Variants in SYTL2 observed in about 807,000 individuals in gnomAD.
SYTL2 encodes the protein synaptotagmin-like protein 2.
SYTL2 carries 165 observed loss-of-function variants against 198.7 expected under a neutral mutation model. That is an observed-to-expected ratio of 0.83 (90% CI 0.73 to 0.94). The LOEUF (loss-of-function observed/expected upper bound fraction) is 0.94, where lower values mean the gene tolerates loss of function less well. Ranked by LOEUF, SYTL2 falls within the 40% of genes least tolerant of loss-of-function variation. The probability of loss-of-function intolerance (pLI) is 0.00; values close to 1 mark genes in which losing one functional copy is unlikely to be tolerated. For missense variants in SYTL2, 2,835 were observed against 2,582.8 expected (o/e 1.10, Z -2.12); for synonymous variants, 966 against 917.7 (o/e 1.05, Z -0.95).
At chr11:85,714,649 C>T in intron 11 of SYTL2, 142 bp from the exon 12 acceptor site, 1 of 1,403,950 alleles carries the variant, frequency 7.1e-7, no homozygotes, top group Non-Finnish European at 9.3e-7. Context: ...TCCACATGCA[C>T]AGGATCATGA....
rs147682106 is a variant in SYTL2, at chr11:85,725,357, G to A, written c.4001C>T (p.Pro1334Leu). ...VASPPQDMLF[P>L]QDAHLVPQAR... ...CTGGGGAACAAGATGAGCATCCTGG[G>A]GAAAAAGCATATCTTGGGGAGGGCT... The change falls in exon 8 of 20, where the codon CCC becomes CTC. Residue 1334 changes from proline to leucine, a missense_variant. Transcript: ENST00000359152. The A allele has an allele frequency of 9.8e-4, 1,589 of 1,613,822 alleles. 4 individuals carry two copies. Among genetic ancestry groups the A allele is most frequent in the Admixed American group, 1.7e-3 (103 of 59,996 alleles).
At chr11:85,838,442 A>G in the SYTL2 span, among the ~76,000 whole-genome samples, 1 of 152,186 alleles carries the variant, frequency 6.6e-6, no homozygotes, top group Non-Finnish European at 1.5e-5. Flanking sequence ...TGGGTAATTT[A>G]TAAAGAAAAG....
chr11:85,734,648 AT>A lies in SYTL2; in HGVS notation c.680del (p.Asn227MetfsTer15). The A allele has an allele frequency of 1.2e-6, 2 of 1,614,176 alleles. No homozygotes were observed. The highest frequency in any genetic ancestry group is 1.7e-6 in the Non-Finnish European group (2 of 1,180,012). On this transcript the variant is annotated frameshift_variant, in exon 7 of 20. Coordinates refer to ENST00000359152, the MANE Select transcript of SYTL2 (RefSeq NM_206927.4). LOFTEE classifies it high-confidence loss of function. ...GGATTGGAGCCTTGATTTGGGACCC[AT>A]TTGAAAGGCCTGGCAAAGTCTGCTT... ...KSKQTLPGLS[N>X]GSQIKAPIPK...
At chr11:85,702,528 A>G (rs1565851458) in intron 16 of SYTL2, among the ~76,000 whole-genome samples, 1 of 152,188 alleles carries the variant, frequency 6.6e-6, no homozygotes, top group Non-Finnish European at 1.5e-5. Context: ...AATCAGATGC[A>G]TGCTGATTTT....
intron 3 of SYTL2, among the ~76,000 whole-genome samples, chr11:85,747,700 T>G (rs1273454677): frequency 6.6e-6 from 1 of 152,020 alleles, no homozygotes. Context: ...AGGGCTGGAG[T>G]AGGTAGCAAG....
chr11:85,764,838 G>A (rs1031228652), intron 1 of SYTL2, among the ~76,000 whole-genome samples: 4 of 152,204 alleles, frequency 2.6e-5, no homozygotes, highest in South Asian at 2.1e-4. Context: ...TAGCCTCTTA[G>A]AATGGTATCA....
At chr11:85,825,387 C>CAAA in the SYTL2 span, among the ~76,000 whole-genome samples, 12 of 118,720 alleles carry the variant, frequency 1.0e-4, no homozygotes, top group South Asian at 8.5e-4. Flanking sequence ...GACTCCGTCT[C>CAAA]AAAAAAAAAA....
intron 1 of SYTL2, among the ~76,000 whole-genome samples, chr11:85,776,268 T>A (rs1278030564): frequency 5.9e-5 from 9 of 152,148 alleles, no homozygotes; most frequent in African/African-American, 1.9e-4. Flanking sequence ...AAACCTTTTA[T>A]TATTATTAAG....
At chr11:85,744,278 A>C (rs1221173420) in intron 4 of SYTL2, among the ~76,000 whole-genome samples, 3 of 152,228 alleles carry the variant, frequency 2.0e-5, no homozygotes, top group Non-Finnish European at 2.9e-5. Context: ...TAATTCTGCT[A>C]GCAAACTATT....
intron 1 of SYTL2, among the ~76,000 whole-genome samples, chr11:85,802,396 G>A (rs1415336710): frequency 2.0e-5 from 3 of 151,830 alleles, no homozygotes; most frequent in Non-Finnish European, 2.9e-5. Flanking sequence ...CTCCCAAAGT[G>A]CTAGGATTAC....
At chr11:85,791,062 G>A (rs1381126119) in intron 1 of SYTL2, among the ~76,000 whole-genome samples, 3 of 149,964 alleles carry the variant, frequency 2.0e-5, no homozygotes, top group Non-Finnish European at 4.4e-5. Context: ...GGCTACTTGG[G>A]AGGCGGAGGC....
intron 2 of SYTL2, among the ~76,000 whole-genome samples, chr11:85,753,707 C>T (rs1362782951): frequency 6.8e-6 from 1 of 147,610 alleles, no homozygotes; most frequent in African/African-American, 2.5e-5. Context: ...GGAGGCTGCA[C>T]TGAGCTATGA....
chr11:85,839,781 T>C, the SYTL2 span, among the ~76,000 whole-genome samples: 2 of 152,210 alleles, frequency 1.3e-5, no homozygotes, highest in African/African-American at 4.8e-5. Context: ...CTGATTTCCT[T>C]TCTTTTGAGT....
rs1252715487 is a variant in SYTL2 at position 85,726,496 on chromosome 11, T to C, written c.2862A>G (p.Glu954=). 6.2e-7 allele frequency: 1 copy of C among 1,608,336 alleles called. No homozygotes were observed. Among genetic ancestry groups the C allele is most frequent in the East Asian group, 2.2e-5 (1 of 44,888 alleles). The change falls in exon 8 of 20, where the codon GAA becomes GAG. Residue 954 remains glutamate (E), a synonymous_variant. Coordinates refer to ENST00000359152, the MANE Select transcript of SYTL2 (RefSeq NM_206927.4). The stretch of plus-strand genomic sequence containing the variant: ...ACATAACTTTAAAGTTGGCATTTGA[T>C]TCACGAACTAGAGGTCTGTCTTTCT... The part of the protein sequence containing the change: ...PLEKDRPLVR[E]SNANFKVMSL...
chr11:85,695,401 G>A, intron 19 of SYTL2, 61 bp from the exon 20 acceptor site: 4 of 1,404,768 alleles, frequency 2.8e-6, no homozygotes, highest in South Asian at 1.5e-5. Context: ...GGGAAAGAGG[G>A]AAAGTTATTC....
intron 1 of SYTL2, among the ~76,000 whole-genome samples, chr11:85,806,351 A>C (rs2092958886): frequency 6.6e-6 from 1 of 152,146 alleles, no homozygotes; most frequent in African/African-American, 2.4e-5. Context: ...TGCTTCTCCC[A>C]CATTCTGCAA....
chr11:85,751,280 A>C (rs538506099), intron 2 of SYTL2, among the ~76,000 whole-genome samples: 1 of 152,182 alleles, frequency 6.6e-6, no homozygotes, highest in African/African-American at 2.4e-5. Context: ...AGATAAATCC[A>C]TATGTATAAC....
chr11:85,777,812 CTTTTTTTTTTTT>C lies in SYTL2; in HGVS notation c.-389-19710_-389-19699del, dbSNP rs57873368. Among the ~76,000 whole-genome samples the C allele has an allele frequency of 4.7e-5, 3 of 63,332 alleles. No homozygotes were observed. The East Asian group carries it at 1.8e-3, about 38-fold the overall frequency. 41.5% of individuals were successfully genotyped at this position (63,332 alleles called of 152,430 possible). ...CTTACCAGAATTACAGGTCTTACTTCTTTTTTTTTTTTTTTTTTTTTTTTTGAGACCGAGTTT... is the reference window on the plus strand; with the variant it reads ...CTTACCAGAATTACAGGTCTTACTTCTTTTTTTTTTTTTGAGACCGAGTTT... On this transcript the variant is annotated intron_variant, in intron 1 of 19. Transcript: ENST00000359152.
At chr11:85,770,829 C>G (rs1470766917) in intron 1 of SYTL2, among the ~76,000 whole-genome samples, 1 of 152,164 alleles carries the variant, frequency 6.6e-6, no homozygotes, top group Non-Finnish European at 1.5e-5. Context: ...TTTTCTCTTT[C>G]ACTGAGCCCA....
Sources: allele counts gnomAD v4.1 joint callset (sites outside exome capture counted in the v4.1 genomes callset), GRCh38; gene constraint gnomAD v4.1.1; transcripts MANE v1.5; gene names NCBI Gene and HGNC (gene_info 2026-07-23, HGNC 2026-07-21).